The following SLC4A7 variants were observed in gnomAD, a reference collection of about 807,000 sequenced individuals.
The protein encoded by SLC4A7 is sodium bicarbonate cotransporter 3.
Under a neutral mutation model 137.6 loss-of-function variants are expected in SLC4A7, and 51 were observed. The ratio of observed to expected loss-of-function variants is 0.37; its 90% CI spans 0.30 to 0.47. The LOEUF (loss-of-function observed/expected upper bound fraction) is 0.47, where lower values mean the gene tolerates loss of function less well. Among genes scored for constraint, SLC4A7 ranks in the 20% least tolerant of loss-of-function variants. The pLI, the probability that SLC4A7 is intolerant of heterozygous loss-of-function variation, is 1.00. For missense variants in SLC4A7, 1,247 were observed against 1,525.4 expected (o/e 0.82, Z 3.04); for synonymous variants, 542 against 518.6 (o/e 1.05, Z -0.61).
At chr3:27,450,873 C>A (rs2058030050) in intron 2 of SLC4A7, among the ~76,000 whole-genome samples, 1 of 151,898 alleles carries the variant, frequency 6.6e-6, no homozygotes, top group Non-Finnish European at 1.5e-5. Flanking sequence ...AAACTTGATA[C>A]CAAACTTGAA....
chr3:27,401,040 G>A, intron 15 of SLC4A7, 171 bp from the exon 16 acceptor site: 1 of 451,690 alleles, frequency 2.2e-6, no homozygotes, highest in South Asian at 4.4e-5. Flanking sequence ...AATAAAGTTT[G>A]GGTTATAGAA....
intron 1 of SLC4A7, among the ~76,000 whole-genome samples, chr3:27,455,800 T>C (rs1221564195): frequency 6.6e-6 from 1 of 151,956 alleles, no homozygotes; most frequent in Non-Finnish European, 1.5e-5. Flanking sequence ...GAGGTTGCAG[T>C]GAGCGCATAG....
At chr3:27,461,489 A>T (rs1360626176) in intron 1 of SLC4A7, among the ~76,000 whole-genome samples, 2 of 152,072 alleles carry the variant, frequency 1.3e-5, no homozygotes, top group Non-Finnish European at 2.9e-5. Flanking sequence ...GCTTTTCTTT[A>T]AGCAGTAACA....
At chr3:27,411,886 A>G in intron 11 of SLC4A7, 138 bp from the exon 12 acceptor site, 2 of 406,858 alleles carry the variant, frequency 4.9e-6, no homozygotes, top group Non-Finnish European at 8.9e-6. Context: ...GGTTCCTAAA[A>G]TAAACTCTCT....
intron 1 of SLC4A7, among the ~76,000 whole-genome samples, chr3:27,463,711 C>T (rs115819912): frequency 9.9e-4 from 150 of 152,158 alleles, no homozygotes; most frequent in African/African-American, 3.5e-3. Context: ...GAACCTGACC[C>T]CTCCTGTTCC....
intron 17 of SLC4A7, 192 bp downstream of exon 17, chr3:27,398,000 T>A (rs960231395): frequency 1.6e-6 from 1 of 615,190 alleles, no homozygotes. Context: ...CTAGCAACTC[T>A]TATGGTACCA....
At chr3:27,429,805 C>T (rs1299481146) in intron 7 of SLC4A7, among the ~76,000 whole-genome samples, 1 of 151,780 alleles carries the variant, frequency 6.6e-6, no homozygotes, top group Non-Finnish European at 1.5e-5. Context: ...ACCAAGATGG[C>T]GCCACTGCGC....
intron 1 of SLC4A7, among the ~76,000 whole-genome samples, chr3:27,481,286 A>G (rs1352923509): frequency 6.6e-6 from 1 of 152,196 alleles, no homozygotes; most frequent in African/African-American, 2.4e-5. Context: ...CTCTATCCCA[A>G]CACCCTGATC....
chr3:27,422,839 T>C (rs1240230266), intron 8 of SLC4A7: 1 of 455,692 alleles, frequency 2.2e-6, no homozygotes, highest in East Asian at 7.0e-5. Context: ...GGAGGCAGAC[T>C]CCTGCCCAAC....
At chr3:27,392,664 CA>C (rs1397607063) in intron 20 of SLC4A7, among the ~76,000 whole-genome samples, 2 of 151,528 alleles carry the variant, frequency 1.3e-5, no homozygotes, top group Non-Finnish European at 2.9e-5. Flanking sequence ...TCATCTCTAC[CA>C]AAAACACAAA....
intron 8 of SLC4A7, among the ~76,000 whole-genome samples, chr3:27,422,113 T>C (rs751807352): frequency 6.6e-6 from 1 of 152,180 alleles, no homozygotes; most frequent in Non-Finnish European, 1.5e-5. Context: ...TTCATGAAAT[T>C]ATACACAGTG....
chr3:27,414,487 A>G (rs2054199560), intron 11 of SLC4A7, among the ~76,000 whole-genome samples: 1 of 152,176 alleles, frequency 6.6e-6, no homozygotes, highest in African/African-American at 2.4e-5. Flanking sequence ...ACAATACAGT[A>G]AGCTAGCGAA....
intron 3 of SLC4A7, among the ~76,000 whole-genome samples, chr3:27,438,863 A>T (rs2056970085): frequency 6.6e-6 from 1 of 152,214 alleles, no homozygotes; most frequent in Non-Finnish European, 1.5e-5. Flanking sequence ...ACTATCATGG[A>T]GAAACAAAAC....
At chr3:27,482,750 C>A (rs1181358057) in intron 1 of SLC4A7, among the ~76,000 whole-genome samples, 2 of 151,944 alleles carry the variant, frequency 1.3e-5, no homozygotes, top group Non-Finnish European at 2.9e-5. Context: ...CCAGCCTGGG[C>A]GACAGAGCGA....
intron 3 of SLC4A7, among the ~76,000 whole-genome samples, chr3:27,445,792 C>T (rs577502844): frequency 3.4e-5 from 5 of 146,426 alleles, no homozygotes; most frequent in South Asian, 2.2e-4. Context: ...ATTAGCCGTG[C>T]GTGGTGGCGG....
At chr3:27,421,296 G>A (rs552327487) in intron 9 of SLC4A7, among the ~76,000 whole-genome samples, 4 of 151,990 alleles carry the variant, frequency 2.6e-5, no homozygotes, top group South Asian at 2.1e-4. Context: ...GTAGGAGTTC[G>A]AGACCAGATG....
At chr3:27,386,227 G>A (rs770496248) in intron 22 of SLC4A7, among the ~76,000 whole-genome samples, 8 of 148,630 alleles carry the variant, frequency 5.4e-5, no homozygotes, top group Non-Finnish European at 1.0e-4. Flanking sequence ...ACTATAAAGA[G>A]AGGAAAAAAG....
rs553850362 is a variant in SLC4A7 at position 27,376,860 on chromosome 3, G to T, written c.3699-15C>A. Reference sequence around the variant, plus strand: ...GTTTATCAGGACTATTTAAAACAAAGAATTAAAATAAATAATTTTAAAATA... The same window carrying T: ...GTTTATCAGGACTATTTAAAACAAATAATTAAAATAAATAATTTTAAAATA... On this transcript the variant is annotated splice_polypyrimidine_tract_variant and intron_variant, in intron 25 of 25. Transcript: ENST00000454389. The T allele has an allele frequency of 2.5e-4, 336 of 1,318,648 alleles. 4 individuals are homozygous for T. In the South Asian group the frequency reaches 4.8e-3, roughly 19 times the overall value. 81.7% of individuals were successfully genotyped at this position (1,318,648 alleles called of 1,614,324 possible).
At chr3:27,448,193 G>T (rs2057807004) in intron 3 of SLC4A7, among the ~76,000 whole-genome samples, 1 of 146,710 alleles carries the variant, frequency 6.8e-6, no homozygotes, top group Non-Finnish European at 1.5e-5. Context: ...GCCCAGCCGG[G>T]GTGACAGAGT....
Sources: gnomAD v4.1 joint callset for allele counts (sites outside exome capture counted in the v4.1 genomes callset) on GRCh38, gnomAD v4.1.1 for gene constraint, MANE v1.5 for transcripts, NCBI Gene and HGNC (gene_info 2026-07-23, HGNC 2026-07-21) for gene names.